Variants in MAP2K7 observed in about 807,000 individuals in gnomAD.
The protein encoded by MAP2K7 is dual specificity mitogen-activated protein kinase kinase 7.
MAP2K7 carries 12 observed loss-of-function variants against 47.7 expected under a neutral mutation model. The ratio of observed to expected loss-of-function variants is 0.25; its 90% confidence interval spans 0.16 to 0.41. The LOEUF is 0.41. Among genes scored for constraint, MAP2K7 ranks in the 10% least tolerant of loss-of-function variants. The pLI is 1.00. For missense variants in MAP2K7, 415 were observed against 600.3 expected, an observed-to-expected ratio of 0.69 and a Z score of 3.23; for synonymous variants, 299 against 243.0, an observed-to-expected ratio of 1.23 and a Z score of -2.14.
chr19:7,907,691 G>A (rs75697153), intron 1 of MAP2K7, among the ~76,000 whole-genome samples: 3 of 152,142 alleles, frequency 2.0e-5, no homozygotes, highest in Non-Finnish European at 2.9e-5. Context: ...CCCAGGCTCC[G>A]GGGCCACCCT....
rs1464023661 is a variant in MAP2K7, at chr19:7,912,354, A to G, written c.1183A>G (p.Lys395Glu). 1 of 1,613,402 alleles carries G rather than the reference A, an allele frequency of 6.2e-7. No individual in the cohort carries two copies. The highest frequency in any genetic ancestry group is 8.5e-7 in the Non-Finnish European group (1 of 1,179,978). ...GGAGGTGGACGTGGCGTCCTGGTTC[A>G]AGGATGTCATGGCGAAGACTGAGTC... ...TLEVDVASWFKDVMAKTESPR... is the reference protein window; with the variant it reads ...TLEVDVASWFEDVMAKTESPR... The change falls in exon 11 of 11, where the codon AAG (lysine) becomes GAG (glutamate). Residue 395 changes from lysine (K) to glutamate (E), a missense_variant. Physicochemically the swap from Lys to Glu is moderately conservative, Grantham distance 56 (BLOSUM62 1). Coordinates refer to ENST00000397979, the MANE Select transcript of MAP2K7 (RefSeq NM_145185.4).
intron 1 of MAP2K7, chr19:7,905,842 G>C (rs566131103): frequency 1.3e-6 from 2 of 1,590,852 alleles, no homozygotes; most frequent in South Asian, 2.2e-5. Flanking sequence ...CTCCTGCCCC[G>C]TCCCAACGAG....
At chr19:7,906,140 G>GT (rs1982441586) in intron 1 of MAP2K7, 1 of 496,288 alleles carries the variant, frequency 2.0e-6, no homozygotes, top group African/African-American at 1.9e-5. Flanking sequence ...GCCTCCGGGG[G>GT]TGGGGGGGGT....
Position 7,903,920 on chromosome 19 carries a change from CGCGGCGGCGGTG to C in MAP2K7, c.-17_-6del. 6.7e-7 allele frequency: 1 copy of C among 1,492,810 alleles called. No homozygotes were observed. Among genetic ancestry groups the C allele is most frequent in the East Asian group, 2.8e-5 (1 of 36,196 alleles). 92.5% of individuals were successfully genotyped at this position (1,492,810 alleles called of 1,614,324 possible). A position where few individuals can be genotyped will look rare whatever the true frequency, so the allele number is the denominator to read the frequency against. On this transcript the variant is annotated 5_prime_UTR_variant, in exon 1 of 11. Transcript: ENST00000397979. Reference sequence around the variant, plus strand: ...CGGACTGACGGGCGGCCGGGCGGTGCGCGGCGGCGGTGGCGGCGGGGAAGATGGCGGCGTCCT... The same window carrying C: ...CGGACTGACGGGCGGCCGGGCGGTGCGCGGCGGGGAAGATGGCGGCGTCCT...
At position 7,909,880 on chromosome 19, in the gene MAP2K7, C is replaced by T; in HGVS notation, c.250C>T (p.Pro84Ser). ...GGGGCTCCCGTCAACCCTGTTCACA[C>T]CCCGCAGCATGGAGAGGTGAGCCAG... ...MLGLPSTLFT[P>S]RSMESIEIDQ... Residue 84 changes from proline (P) to serine (S), a missense_variant, in exon 2 of 11, where the codon CCC becomes TCC. Pro to Ser is a moderately conservative substitution (Grantham distance 74). Coordinates refer to ENST00000397979, the MANE Select transcript of MAP2K7 (RefSeq NM_145185.4). The T allele has an allele frequency of 2.0e-6, 3 of 1,528,504 alleles. No individual in the cohort carries two copies. The highest frequency in any genetic ancestry group is 1.4e-5 in the African/African-American group (1 of 72,536). The allele number at this position is 1,528,504 out of a possible 1,614,324, so 94.7% of individuals were successfully genotyped here.
intron 1 of MAP2K7, chr19:7,904,527 G>A: frequency 3.8e-6 from 1 of 263,054 alleles, no homozygotes; most frequent in Non-Finnish European, 7.8e-6. Context: ...ACACGCGCAC[G>A]CCTGGCTCGG....
chr19:7,903,920 C>A lies in MAP2K7; in HGVS notation c.-25C>A, dbSNP rs547869973. 3 of 1,492,714 alleles carry A rather than the reference C, an allele frequency of 2.0e-6. No homozygotes were observed. Among genetic ancestry groups the A allele is most frequent in the African/African-American group, 2.9e-5 (2 of 69,540 alleles). 92.5% of individuals were successfully genotyped at this position (1,492,714 alleles called of 1,614,324 possible). On this transcript the variant is annotated 5_prime_UTR_variant, in exon 1 of 11. Transcript: ENST00000397979. ...CGGACTGACGGGCGGCCGGGCGGTG[C>A]GCGGCGGCGGTGGCGGCGGGGAAGA...
chr19:7,904,008 C>A lies in MAP2K7; in HGVS notation c.64C>A (p.Arg22=), dbSNP rs750181141. Residue 22 remains arginine (R), a synonymous_variant, in exon 1 of 11, where the codon CGG becomes AGG. Transcript: ENST00000397979. ...GGAAGCAAAGCTGAAGCAGGAGAAC[C>A]GGGAGGCCCGGCGGAGGATCGACCT... is the stretch of plus-strand genomic sequence containing the variant. ...RLEAKLKQEN[R]EARRRIDLNL... 7.1e-7 allele frequency: 1 copy of A among 1,405,382 alleles called. No homozygotes were observed. The highest frequency in any genetic ancestry group is 1.2e-5 in the South Asian group (1 of 84,044). 87.1% of individuals were successfully genotyped at this position (1,405,382 alleles called of 1,614,324 possible).
chr19:7,910,509 T>C lies in MAP2K7; in HGVS notation c.504T>C (p.Asp168=), dbSNP rs752744062. The C allele has an allele frequency of 2.4e-5, 39 of 1,613,348 alleles. No homozygotes were observed. Among genetic ancestry groups the C allele is most frequent in the Admixed American group, 5.0e-5 (3 of 59,986 alleles). ...EENKRILMDL[D]VVLKSHDCPY... is the part of the protein sequence containing the mutation. ...ACAAGCGCATCCTCATGGACCTGGA[T>C]GTGGTGCTGAAGAGCCACGACTGCC... Residue 168 remains aspartate (D), a synonymous_variant, in exon 5 of 11, where the codon GAT becomes GAC. Coordinates refer to ENST00000397979, the MANE Select transcript of MAP2K7 (RefSeq NM_145185.4).
chr19:7,910,903 C>A, intron 6 of MAP2K7, 77 bp from the exon 7 acceptor site: 6 of 1,585,048 alleles, frequency 3.8e-6, no homozygotes, highest in Non-Finnish European at 5.2e-6. Flanking sequence ...GGTGAGTGGC[C>A]AGGTGGGGCG....
Position 7,911,122 on chromosome 19 carries a change from C to A in MAP2K7, c.818C>A (p.Ala273Asp). 6.2e-7 allele frequency: 1 copy of A among 1,612,276 alleles called. No homozygotes were observed. Among genetic ancestry groups the A allele is most frequent in the Non-Finnish European group, 8.5e-7 (1 of 1,179,768 alleles). Residue 273 changes from alanine (A) to aspartate (D), a missense_variant, in exon 7 of 11, where the codon GCC (alanine) becomes GAC (aspartate). Physicochemically the swap from Ala to Asp is moderately radical, Grantham distance 126. Transcript: ENST00000397979. Reference sequence around the variant, plus strand: ...AGCGGCCGCCTGGTGGACTCCAAAGCCAAGACGCGGAGCGCCGGCTGTGCC... The same window carrying A: ...AGCGGCCGCCTGGTGGACTCCAAAGACAAGACGCGGAGCGCCGGCTGTGCC... The part of the protein sequence containing the change: ...GISGRLVDSK[A>D]KTRSAGCAAY...
In MAP2K7 at chr19:7,912,311, C is replaced by T. The variant is rs748848079; in HGVS notation, c.1140C>T (p.Ile380=). The T allele has an allele frequency of 2.5e-6, 4 of 1,613,648 alleles. No individual in the cohort carries two copies. The highest frequency in any genetic ancestry group is 3.4e-6 in the Non-Finnish European group (4 of 1,179,988). ...KYNKLLEHSF[I]KRYETLEVDV... is the part of the protein sequence containing the mutation. ...CGGGCCCACAGGAACACAGCTTCAT[C>T]AAGCGCTACGAGACGCTGGAGGTGG... Residue 380 remains isoleucine (I), a synonymous_variant, in exon 11 of 11, where the codon ATC becomes ATT. Coordinates refer to ENST00000397979, the MANE Select transcript of MAP2K7 (RefSeq NM_145185.4).
rs369902136 is a variant in MAP2K7, at chr19:7,912,235, G to A, written c.1125+41G>A. On this transcript the variant is annotated intron_variant, in intron 10 of 10. Transcript: ENST00000397979. ...CTCCCAGTCCCCGTCCTGTCCCTGC[G>A]GAGGCGCGAGGCCAGGAGGGAAGAC... 3.4e-4 allele frequency: 543 copies of A among 1,613,568 alleles called. No individual in the cohort carries two copies. Among genetic ancestry groups the A allele is most frequent in the Admixed American group, 7.7e-4 (46 of 59,994 alleles).
chr19:7,910,059 C>G lies in MAP2K7; in HGVS notation c.267-4C>G, dbSNP rs1052879151. The G allele has an allele frequency of 5.9e-5, 95 of 1,599,690 alleles. No individual in the cohort carries two copies. The highest frequency in any genetic ancestry group is 7.1e-5 in the Non-Finnish European group (83 of 1,174,246). ...CTCCACCGGCACCTGCTCCATGTCC[C>G]CAGCATTGAGATTGACCAGAAGCTG... On this transcript the variant is annotated splice_polypyrimidine_tract_variant and splice_region_variant and intron_variant, in intron 2 of 10. Transcript: ENST00000397979.
Position 7,911,232 on chromosome 19 carries a change from C to T in MAP2K7, c.856-18C>T. On this transcript the variant is annotated intron_variant, in intron 7 of 10. Transcript: ENST00000397979. ...GGCCCCAGCCTTGGAGATACGTCTT[C>T]TCCTCCCCCCCCTGCAGCCCGAGCG... The T allele has an allele frequency of 6.2e-7, 1 of 1,608,302 alleles. No homozygotes were observed. Among genetic ancestry groups the T allele is most frequent in the East Asian group, 2.2e-5 (1 of 44,782 alleles).
rs374003248 is a variant in MAP2K7 at position 7,910,675 on chromosome 19, C to T, written c.568-21C>T. The T allele has an allele frequency of 2.7e-4, 428 of 1,606,296 alleles. 2 individuals are homozygous for T. The highest frequency in any genetic ancestry group is 1.7e-3 in the Middle Eastern group (10 of 6,036). ...GGTGGGCCGGAAGACACAGCTCCCC[C>T]GGGTGCCCCTCTCCCTGCAGACGGA... is the stretch of plus-strand genomic sequence containing the variant. On this transcript the variant is annotated intron_variant, in intron 5 of 10. Transcript: ENST00000397979.
chr19:7,912,569 G>C lies in MAP2K7; in HGVS notation c.*138G>C. 9.6e-7 allele frequency: 1 copy of C among 1,045,290 alleles called. No homozygotes were observed. The highest frequency in any genetic ancestry group is 1.3e-6 in the Non-Finnish European group (1 of 745,678). The allele number at this position is 1,045,290 out of a possible 1,614,324, so 64.8% of individuals were successfully genotyped here. ...TAGGACTGAGGACAGAGAGTGGGGG[G>C]TGCCCACCCACCCCCCCCGCCCCGG... On this transcript the variant is annotated 3_prime_UTR_variant, in exon 11 of 11. Coordinates refer to ENST00000397979, the MANE Select transcript of MAP2K7 (RefSeq NM_145185.4).
At chr19:7,906,118 T>G in intron 1 of MAP2K7, 2 of 523,094 alleles carry the variant, frequency 3.8e-6, no homozygotes, top group Non-Finnish European at 6.9e-6. Context: ...CCCCACTGAA[T>G]GGGAGTCTGT....
rs1555701261 is a variant in MAP2K7, at chr19:7,911,241, C to CCT, written c.856-8_856-7insTC. On this transcript the variant is annotated splice_polypyrimidine_tract_variant and intron_variant, in intron 7 of 10. Coordinates refer to ENST00000397979, the MANE Select transcript of MAP2K7 (RefSeq NM_145185.4). Reference sequence around the variant, plus strand: ...CTTGGAGATACGTCTTCTCCTCCCCCCCCTGCAGCCCGAGCGCATTGACCC... The same window carrying CCT: ...CTTGGAGATACGTCTTCTCCTCCCCCCTCCCTGCAGCCCGAGCGCATTGACCC... The CCT allele has an allele frequency of 8.8e-5, 142 of 1,609,862 alleles. No homozygotes were observed. Among genetic ancestry groups the CCT allele is most frequent in the Non-Finnish European group, 1.1e-4 (134 of 1,177,590 alleles).
Sources: gnomAD v4.1 joint callset for allele counts (sites outside exome capture counted in the v4.1 genomes callset) on GRCh38, gnomAD v4.1.1 for gene constraint, MANE v1.5 for transcripts, NCBI Gene and HGNC (gene_info 2026-07-23, HGNC 2026-07-21) for gene names.